Variants in ROBO2 observed in about 807,000 individuals in gnomAD.
ROBO2 encodes roundabout homolog 2.
Under a neutral mutation model 160.8 loss-of-function variants are expected in ROBO2, and 53 were observed. The observed-to-expected ratio is 0.33, with a 90% CI of 0.26 to 0.41. The LOEUF (loss-of-function observed/expected upper bound fraction) is 0.41, where lower values mean the gene tolerates loss of function less well. Ranked by LOEUF, ROBO2 falls within the 10% of genes least tolerant of loss-of-function variation. The pLI is 1.00. For synonymous variants in ROBO2, 664 were observed against 611.7 expected (o/e 1.09, Z -1.26); for missense variants, 1,577 against 1,722.4 (o/e 0.92, Z 1.49).
At chr3:76,473,688 C>A (rs1448258427) in intron 2 of ROBO2, among the ~76,000 whole-genome samples, 3 of 152,024 alleles carry the variant, frequency 2.0e-5, no homozygotes, top group Non-Finnish European at 4.4e-5. Flanking sequence ...AAAATAATAA[C>A]CTCTTTTTCA....
At chr3:76,992,277 G>T (rs1225083250) in intron 2 of ROBO2, among the ~76,000 whole-genome samples, 1 of 142,418 alleles carries the variant, frequency 7.0e-6, no homozygotes, top group Non-Finnish European at 1.5e-5. Context: ...AAATACCCTT[G>T]CATTTCCTAT....
intron 2 of ROBO2, among the ~76,000 whole-genome samples, chr3:76,648,613 G>GA (rs993107991): frequency 1.3e-5 from 2 of 151,920 alleles, no homozygotes; most frequent in Non-Finnish European, 2.9e-5. Context: ...AAACTGACAT[G>GA]ATGTTTTCAA....
intron 2 of ROBO2, among the ~76,000 whole-genome samples, chr3:77,453,022 TTCCC>T (rs2081278478): frequency 1.3e-5 from 2 of 152,158 alleles, no homozygotes; most frequent in Admixed American, 6.6e-5. Flanking sequence ...TGGCTGACAT[TTCCC>T]CAAAGTATGT....
intron 2 of ROBO2, among the ~76,000 whole-genome samples, chr3:77,468,586 A>C (rs1196792116): frequency 3.3e-5 from 5 of 152,170 alleles, no homozygotes. Context: ...GAACACGGCT[A>C]AAAAAAGGAT....
At chr3:76,053,508 A>T (rs1307911402) in intron 2 of ROBO2, among the ~76,000 whole-genome samples, 1 of 152,080 alleles carries the variant, frequency 6.6e-6, no homozygotes, top group East Asian at 1.9e-4. Flanking sequence ...ACATGTATGT[A>T]TATTTTAGCA....
At chr3:76,237,804 G>A (rs1705036761) in intron 2 of ROBO2, among the ~76,000 whole-genome samples, 1 of 152,214 alleles carries the variant, frequency 6.6e-6, no homozygotes, top group Non-Finnish European at 1.5e-5. Context: ...TAGAGTATGA[G>A]ATTGGAGCGG....
intron 2 of ROBO2, among the ~76,000 whole-genome samples, chr3:76,190,417 G>A (rs538890853): frequency 2.6e-5 from 4 of 152,126 alleles, no homozygotes; most frequent in African/African-American, 7.2e-5. Flanking sequence ...ATCATTTAAG[G>A]TGGCCTTAAT....
intron 2 of ROBO2, among the ~76,000 whole-genome samples, chr3:76,361,632 C>A (rs181016739): frequency 6.6e-6 from 1 of 152,114 alleles, no homozygotes; most frequent in East Asian, 1.9e-4. Context: ...GTAGTTCAAA[C>A]TCTGATTTTA....
At chr3:76,290,902 G>T (rs952701383) in intron 2 of ROBO2, among the ~76,000 whole-genome samples, 3 of 152,110 alleles carry the variant, frequency 2.0e-5, no homozygotes, top group Admixed American at 2.0e-4. Context: ...TTCATGTGCA[G>T]CTGGATTCAG....
chr3:76,622,246 GAA>G (rs1298835027), intron 2 of ROBO2, among the ~76,000 whole-genome samples: 1 of 46,072 alleles, frequency 2.2e-5, no homozygotes, highest in African/African-American at 9.8e-5. Flanking sequence ...AAGAAAGAAA[GAA>G]AGAAAGAAAG....
intron 2 of ROBO2, among the ~76,000 whole-genome samples, chr3:77,197,965 AT>A (rs2076061200): frequency 6.6e-6 from 1 of 152,156 alleles, no homozygotes; most frequent in Non-Finnish European, 1.5e-5. Flanking sequence ...CTATTTGTGT[AT>A]TTGTACTCCA....
intron 2 of ROBO2, among the ~76,000 whole-genome samples, chr3:76,610,537 A>G (rs923685407): frequency 2.0e-5 from 3 of 152,178 alleles, no homozygotes; most frequent in Admixed American, 6.5e-5. Context: ...TCTTGCTCGG[A>G]AAGTCCCAAG....
chr3:76,368,103 CA>C (rs1393891987), intron 2 of ROBO2, among the ~76,000 whole-genome samples: 4 of 151,622 alleles, frequency 2.6e-5, no homozygotes, highest in Admixed American at 6.6e-5. Context: ...AAAATTCTAT[CA>C]TTTTTTTTCC....
intron 2 of ROBO2, among the ~76,000 whole-genome samples, chr3:77,130,407 A>C (rs1274968346): frequency 6.6e-6 from 1 of 150,872 alleles, no homozygotes; most frequent in East Asian, 2.0e-4. Context: ...CATAATCTAA[A>C]ATAAATATAG....
chr3:76,008,249 A>AG (rs2066084924), intron 2 of ROBO2, among the ~76,000 whole-genome samples: 1 of 151,220 alleles, frequency 6.6e-6, no homozygotes, highest in African/African-American at 2.4e-5. Context: ...AAAAAAAAAA[A>AG]AAAAAGAAAA....
intron 2 of ROBO2, among the ~76,000 whole-genome samples, chr3:77,213,256 G>T (rs185236280): frequency 3.2e-4 from 48 of 152,154 alleles, no homozygotes; most frequent in East Asian, 9.6e-4. Context: ...CAATTTCAGA[G>T]CCTGTTATTG....
At chr3:76,114,461 CAAAT>C (rs929343820) in intron 2 of ROBO2, among the ~76,000 whole-genome samples, 1 of 151,984 alleles carries the variant, frequency 6.6e-6, no homozygotes, top group African/African-American at 2.4e-5. Context: ...ACATTAACAT[CAAAT>C]AATATTTTAA....
chr3:76,071,115 CTGGGTTGATA>C (rs1434505636), intron 2 of ROBO2, among the ~76,000 whole-genome samples: 1 of 152,068 alleles, frequency 6.6e-6, no homozygotes, highest in Non-Finnish European at 1.5e-5. Context: ...TGTAGTTTGT[CTGGGTTGATA>C]ATTATCCAGA....
At position 75,968,841 on chromosome 3, in the gene ROBO2, T is replaced by C. The variant is rs533622502; in HGVS notation, c.109+31239T>C. Among the ~76,000 whole-genome samples the C allele has an allele frequency of 1.0e-4, 15 of 144,452 alleles. 3 individuals are homozygous for C. Among genetic ancestry groups the C allele is most frequent in the African/African-American group, 3.8e-4 (15 of 39,898 alleles). The allele number at this position is 144,452 out of a possible 152,430, so 94.8% of individuals were successfully genotyped here. On this transcript the variant is annotated intron_variant, in intron 2 of 26. Transcript: ENST00000487694. ...ACATAGAATAGCCACCATTCTACTG[T>C]TTCTATATACTTGGCTTGTTTTTAG...
Sources: gnomAD v4.1 joint callset for allele counts (sites outside exome capture counted in the v4.1 genomes callset) on GRCh38, gnomAD v4.1.1 for gene constraint, MANE v1.5 for transcripts, NCBI Gene and HGNC (gene_info 2026-07-23, HGNC 2026-07-21) for gene names.